The following AFG1L variants were observed in gnomAD, a reference collection of about 807,000 sequenced individuals.
The protein encoded by AFG1L is AFG1 like ATPase, also known as AFG1-like ATPase.
In AFG1L, 53 loss-of-function variants were observed where a neutral mutation model predicts 62.2. The observed-to-expected ratio is 0.85, with a 90% CI of 0.68 to 1.07. AFG1L has a LOEUF of 1.07. AFG1L is among the 50% of genes least tolerant of loss of function. The pLI is 0.00. For synonymous variants in AFG1L, 228 were observed against 210.3 expected (o/e 1.08, Z -0.73); for missense variants, 555 against 590.5 (o/e 0.94, Z 0.62).
At chr6:108,397,716 G>C (rs1781384048) in intron 6 of AFG1L, among the ~76,000 whole-genome samples, 2 of 152,126 alleles carry the variant, frequency 1.3e-5, no homozygotes, top group Non-Finnish European at 2.9e-5. Context: ...TGCGATGTTT[G>C]TCTTTCTGTG....
At chr6:108,467,009 G>A (rs1057274579) in intron 8 of AFG1L, among the ~76,000 whole-genome samples, 1 of 151,952 alleles carries the variant, frequency 6.6e-6, no homozygotes, top group Admixed American at 6.5e-5. Flanking sequence ...TCACATACAT[G>A]TGAATAAGGG....
intron 8 of AFG1L, among the ~76,000 whole-genome samples, chr6:108,473,527 A>G (rs545550050): frequency 6.6e-6 from 1 of 152,240 alleles, no homozygotes; most frequent in South Asian, 2.1e-4. Context: ...TCTTTTCGCT[A>G]TGTTCCTTAA....
chr6:108,338,109 C>T (rs1049615917), intron 2 of AFG1L, among the ~76,000 whole-genome samples: 2 of 152,084 alleles, frequency 1.3e-5, no homozygotes, highest in African/African-American at 4.8e-5. Context: ...TCTCTTGAGC[C>T]CGGGAGGTCA....
intron 7 of AFG1L, among the ~76,000 whole-genome samples, chr6:108,404,027 C>T (rs1046546102): frequency 2.0e-5 from 3 of 152,010 alleles, no homozygotes; most frequent in Non-Finnish European, 4.4e-5. Flanking sequence ...AGAGACTTTT[C>T]GTATATGACA....
intron 10 of AFG1L, among the ~76,000 whole-genome samples, chr6:108,496,436 TAGA>T (rs2114864945): frequency 6.6e-6 from 1 of 152,292 alleles, no homozygotes; most frequent in South Asian, 2.1e-4. Flanking sequence ...CTGAGGTGAA[TAGA>T]ACTCCCTGTC....
chr6:108,416,378 G>C (rs1242053007), intron 7 of AFG1L, among the ~76,000 whole-genome samples: 1 of 152,168 alleles, frequency 6.6e-6, no homozygotes, highest in Non-Finnish European at 1.5e-5. Context: ...ATTCCTCAAG[G>C]ATCTAGAACT....
At chr6:108,383,542 G>A (rs79599384) in intron 6 of AFG1L, among the ~76,000 whole-genome samples, 203 of 152,226 alleles carry the variant, frequency 1.3e-3, no homozygotes, top group African/African-American at 4.6e-3. Flanking sequence ...ACTTAAAACT[G>A]AAGAAAGTGA....
At chr6:108,496,746 T>G (rs1773987691) in intron 10 of AFG1L, among the ~76,000 whole-genome samples, 1 of 152,202 alleles carries the variant, frequency 6.6e-6, no homozygotes, top group Non-Finnish European at 1.5e-5. Flanking sequence ...AAAATGAAGA[T>G]TATTAAACAT....
rs543760094 is a variant in AFG1L at position 108,488,845 on chromosome 6, C to G, written c.1062+11553C>G. On this transcript the variant is annotated intron_variant, in intron 10 of 12. Coordinates refer to ENST00000368977, the MANE Select transcript of AFG1L (RefSeq NM_145315.5). ...CCAGCCTGGGTGACAGAGCGAGACTCTGTCTCCAGAAACAAACAAACAAAA... is the reference window on the plus strand; with the variant it reads ...CCAGCCTGGGTGACAGAGCGAGACTGTGTCTCCAGAAACAAACAAACAAAA... Among the ~76,000 whole-genome samples the G allele has an allele frequency of 3.3e-5, 5 of 150,948 alleles. No homozygotes were observed. In the East Asian group the frequency reaches 5.8e-4, roughly 17 times the overall value.
At chr6:108,327,580 C>T (rs1278942365) in intron 2 of AFG1L, among the ~76,000 whole-genome samples, 5 of 152,166 alleles carry the variant, frequency 3.3e-5, no homozygotes, top group African/African-American at 1.2e-4. Context: ...TTTGTAAGGG[C>T]ACTAATCCAA....
intron 11 of AFG1L, among the ~76,000 whole-genome samples, chr6:108,511,562 GCT>G (rs1462241821): frequency 6.6e-6 from 1 of 152,166 alleles, no homozygotes; most frequent in East Asian, 1.9e-4. Context: ...CCTATGGTAC[GCT>G]CTCAGTAAAA....
chr6:108,462,856 C>G (rs773204205), intron 8 of AFG1L, among the ~76,000 whole-genome samples: 2 of 152,094 alleles, frequency 1.3e-5, no homozygotes, highest in African/African-American at 2.4e-5. Context: ...TTTAGATTTC[C>G]TTAGAATTTT....
intron 6 of AFG1L, among the ~76,000 whole-genome samples, chr6:108,391,598 C>T (rs1781060263): frequency 6.6e-6 from 1 of 152,122 alleles, no homozygotes; most frequent in African/African-American, 2.4e-5. Flanking sequence ...ACTCTGCTGA[C>T]TGTTCCTTTT....
At chr6:108,520,058 A>G (rs1775064953) in intron 12 of AFG1L, 1 of 288,522 alleles carries the variant, frequency 3.5e-6, no homozygotes, top group South Asian at 4.4e-5. Context: ...ATAAAAATGA[A>G]GCCCACGGAG....
chr6:108,447,253 T>G lies in AFG1L; in HGVS notation c.847T>G (p.Tyr283Asp), dbSNP rs1237711106. The part of the protein sequence containing the change: ...NTVQLDSGID[Y>D]RKRELPAAGK... ...AGTCCAGCTAGATTCTGGGATAGATTACCGGAAAAGGGAACTTCCTGCTGC... is the reference window on the plus strand; with the variant it reads ...AGTCCAGCTAGATTCTGGGATAGATGACCGGAAAAGGGAACTTCCTGCTGC... Residue 283 changes from tyrosine (Y) to aspartate (D), a missense_variant, in exon 8 of 13, where the codon TAC becomes GAC. Physicochemically the swap from Tyr to Asp is radical, Grantham distance 160 (BLOSUM62 -3). Transcript: ENST00000368977. The G allele has an allele frequency of 6.2e-7, 1 of 1,609,584 alleles. No homozygotes were observed. The highest frequency in any genetic ancestry group is 8.5e-7 in the Non-Finnish European group (1 of 1,176,240).
At position 108,366,341 on chromosome 6, in the gene AFG1L, A is replaced by C. The variant is rs758098361; in HGVS notation, c.748+9A>C. On this transcript the variant is annotated intron_variant, in intron 6 of 12. Transcript: ENST00000368977. ...CAACAGGCCACCGGAAGGTAAAAACAAACATTGTGCTAGTCTCATCCAATT... is the reference window on the plus strand; with the variant it reads ...CAACAGGCCACCGGAAGGTAAAAACCAACATTGTGCTAGTCTCATCCAATT... 8 of 1,587,066 alleles carry C rather than the reference A, an allele frequency of 5.0e-6. No individual in the cohort carries two copies. Among genetic ancestry groups the C allele is most frequent in the African/African-American group, 1.3e-5 (1 of 74,444 alleles).
At chr6:108,319,465 A>G (rs922575562) in intron 1 of AFG1L, among the ~76,000 whole-genome samples, 3 of 151,966 alleles carry the variant, frequency 2.0e-5, no homozygotes, top group African/African-American at 4.8e-5. Context: ...ATCTGTAAAG[A>G]CAGAGGTTTC....
intron 6 of AFG1L, among the ~76,000 whole-genome samples, chr6:108,401,675 T>C (rs950199483): frequency 6.6e-6 from 1 of 152,218 alleles, no homozygotes; most frequent in Non-Finnish European, 1.5e-5. Context: ...ATGCTTGATA[T>C]CTAATCTTCT....
In AFG1L at chr6:108,444,057, CATCTATCTATCT is replaced by C. The variant is rs60098143; in HGVS notation, c.808-3122_808-3111del. On this transcript the variant is annotated intron_variant, in intron 7 of 12. Coordinates refer to ENST00000368977, the MANE Select transcript of AFG1L (RefSeq NM_145315.5). ...TTCTTCTACTGAAGTGAATATCTCCCATCTATCTATCTATCTATCTATCTATCTATCTATCTA... is the reference window on the plus strand; with the variant it reads ...TTCTTCTACTGAAGTGAATATCTCCCATCTATCTATCTATCTATCTATCTA... Among the ~76,000 whole-genome samples the C allele has an allele frequency of 5.4e-3, 782 of 145,240 alleles. 10 individuals carry two copies. Among genetic ancestry groups the C allele is most frequent in the Middle Eastern group, 0.028 (8 of 290 alleles).
Sources: gnomAD v4.1 joint callset for allele counts (sites outside exome capture counted in the v4.1 genomes callset) on GRCh38, gnomAD v4.1.1 for gene constraint, MANE v1.5 for transcripts, NCBI Gene and HGNC (gene_info 2026-07-23, HGNC 2026-07-21) for gene names.